DYSF: variants seen among roughly 807,000 people sequenced by gnomAD.
The protein encoded by DYSF is dysferlin.
In DYSF, 212 loss-of-function variants were observed where a neutral mutation model predicts 274.9. The observed-to-expected ratio is 0.77, with a 90% CI of 0.69 to 0.86. The LOEUF is 0.86. Among genes scored for constraint, DYSF ranks in the 40% least tolerant of loss-of-function variants. The pLI is 0.00. For missense variants in DYSF, 2,666 were observed against 2,783.2 expected (o/e 0.96, Z 0.95); for synonymous variants, 1,091 against 1,078.7 (o/e 1.01, Z -0.22).
chr2:71,616,541 G>A (rs1209746122), intron 40 of DYSF, among the ~76,000 whole-genome samples: 3 of 152,090 alleles, frequency 2.0e-5, no homozygotes, highest in African/African-American at 4.8e-5. Context: ...GGCCAGAGGT[G>A]TGTCTAAGCT....
At chr2:71,530,222 G>C (rs921692778) in intron 14 of DYSF, among the ~76,000 whole-genome samples, 2 of 152,214 alleles carry the variant, frequency 1.3e-5, no homozygotes, top group African/African-American at 4.8e-5. Flanking sequence ...CGTTTTTGTG[G>C]GACACTAGCT....
chr2:71,472,205 A>G (rs1341292281), intron 1 of DYSF, among the ~76,000 whole-genome samples: 2 of 152,328 alleles, frequency 1.3e-5, no homozygotes, highest in East Asian at 3.9e-4. Flanking sequence ...CTTTGGCCAC[A>G]TATTTAATTA....
chr2:71,656,782 C>T (rs1262829732), intron 43 of DYSF, among the ~76,000 whole-genome samples: 2 of 152,086 alleles, frequency 1.3e-5, no homozygotes, highest in Non-Finnish European at 2.9e-5. Flanking sequence ...TTCACCACCA[C>T]GAGAATAGCA....
At chr2:71,601,478 G>T (rs775361056) in intron 34 of DYSF, 21 bp from the exon 35 acceptor site, 13 of 1,614,044 alleles carry the variant, frequency 8.1e-6, no homozygotes, top group Non-Finnish European at 1.1e-5. Flanking sequence ...CATGACCAGA[G>T]CTCTCTTTTC....
intron 1 of DYSF, among the ~76,000 whole-genome samples, chr2:71,479,670 C>T (rs1181984149): frequency 2.0e-5 from 3 of 152,334 alleles, no homozygotes; most frequent in Admixed American, 6.5e-5. Flanking sequence ...TCACTGGGGA[C>T]AGGCACTTGC....
intron 17 of DYSF, among the ~76,000 whole-genome samples, chr2:71,542,326 C>T (rs1410462023): frequency 2.7e-5 from 4 of 150,554 alleles, no homozygotes; most frequent in Admixed American, 6.6e-5. Flanking sequence ...TTTACTGCTT[C>T]GTACATGGTT....
intron 17 of DYSF, among the ~76,000 whole-genome samples, chr2:71,547,465 T>C (rs1018186681): frequency 2.8e-4 from 43 of 152,230 alleles, no homozygotes; most frequent in African/African-American, 1.0e-3. Context: ...CTGGCTAACA[T>C]GGTGAAACCC....
chr2:71,517,244 A>C (rs1337631500), intron 10 of DYSF, among the ~76,000 whole-genome samples: 2 of 152,192 alleles, frequency 1.3e-5, no homozygotes, highest in African/African-American at 4.8e-5. Flanking sequence ...GAAAGAAAGC[A>C]CTTTTTGTCA....
chr2:71,568,872 C>A (rs536245016), intron 26 of DYSF, among the ~76,000 whole-genome samples: 1 of 149,764 alleles, frequency 6.7e-6, no homozygotes, highest in African/African-American at 2.5e-5. Context: ...GGCCTTTATT[C>A]TCTCTCTTTT....
At chr2:71,523,472 C>T (rs6739783) in intron 12 of DYSF, among the ~76,000 whole-genome samples, 100,829 of 151,456 alleles carry the variant, frequency 0.67, 34,418 homozygotes, top group African/African-American at 0.75. Flanking sequence ...TGCCATCCAT[C>T]CTAAGTGTCC....
chr2:71,582,773 C>A (rs561019484), intron 30 of DYSF, among the ~76,000 whole-genome samples: 1 of 152,208 alleles, frequency 6.6e-6, no homozygotes, highest in South Asian at 2.1e-4. Context: ...CACCACTGAA[C>A]ACAGAGCTGG....
chr2:71,480,632 C>A (rs2082803996), intron 1 of DYSF, among the ~76,000 whole-genome samples: 1 of 152,126 alleles, frequency 6.6e-6, no homozygotes, highest in Admixed American at 6.5e-5. Flanking sequence ...ATAACAAACT[C>A]ATTAAGGAGA....
intron 3 of DYSF, among the ~76,000 whole-genome samples, chr2:71,486,921 G>A (rs2083413622): frequency 1.3e-5 from 2 of 152,210 alleles, no homozygotes; most frequent in African/African-American, 4.8e-5. Flanking sequence ...CTGACCAGCT[G>A]TTTTGACCCG....
At chr2:71,516,701 T>C (rs1270402410) in intron 9 of DYSF, among the ~76,000 whole-genome samples, 2 of 152,244 alleles carry the variant, frequency 1.3e-5, no homozygotes, top group Non-Finnish European at 2.9e-5. Flanking sequence ...GCCTAGTGGC[T>C]CTAAGTGTAG....
chr2:71,549,340 T>A, intron 17 of DYSF: 1 of 1,612,230 alleles, frequency 6.2e-7, no homozygotes, highest in Non-Finnish European at 8.5e-7. Flanking sequence ...TCCATTTCTT[T>A]ACGCTTCAGA....
chr2:71,553,007 T>C lies in DYSF; in HGVS notation c.1807-4T>C. The stretch of plus-strand genomic sequence containing the variant: ...TGACCCTCTGGTCTACTCTCTGCTC[T>C]CAGAAGTACCTTAGGAGGCGCAAGT... On this transcript the variant is annotated splice_region_variant and splice_polypyrimidine_tract_variant and intron_variant, in intron 19 of 55. Coordinates refer to ENST00000410020, the MANE Select transcript of DYSF (RefSeq NM_001130987.2). 1 of 1,614,144 alleles carries C rather than the reference T, an allele frequency of 6.2e-7. No homozygotes were observed. The highest frequency in any genetic ancestry group is 1.1e-5 in the South Asian group (1 of 91,078).
intron 16 of DYSF, among the ~76,000 whole-genome samples, chr2:71,537,434 C>T (rs545328545): frequency 8.1e-4 from 123 of 151,954 alleles, no homozygotes; most frequent in African/African-American, 2.9e-3. Flanking sequence ...TTAGTAGAAA[C>T]GGGGCTTCAT....
chr2:71,549,265 C>G (rs1396495132), intron 17 of DYSF: 4 of 1,356,414 alleles, frequency 2.9e-6, no homozygotes, highest in Non-Finnish European at 4.2e-6. Context: ...TGCCTGCCAG[C>G]TCTCCATCCA....
chr2:71,670,480 T>C (rs2095100302), intron 51 of DYSF, among the ~76,000 whole-genome samples: 1 of 152,236 alleles, frequency 6.6e-6, no homozygotes. Context: ...TCTGTGCCTA[T>C]GGTCACCGTC....
Sources: gnomAD v4.1 joint callset for allele counts (sites outside exome capture counted in the v4.1 genomes callset) on GRCh38, gnomAD v4.1.1 for gene constraint, MANE v1.5 for transcripts, NCBI Gene and HGNC (gene_info 2026-07-23, HGNC 2026-07-21) for gene names.